The following CACNG5 variants were observed in gnomAD, a reference collection of about 807,000 sequenced individuals.
The protein encoded by CACNG5 is calcium voltage-gated channel auxiliary subunit gamma 5.
Under a neutral mutation model 24.8 loss-of-function variants are expected in CACNG5, and 18 were observed. The observed-to-expected ratio is 0.73, with a 90% confidence interval of 0.50 to 1.08. The LOEUF is 1.08. Among genes scored for constraint, CACNG5 ranks in the 50% least tolerant of loss-of-function variants. The pLI is 0.00. For missense variants in CACNG5, 349 were observed against 367.9 expected (o/e 0.95, Z 0.42); for synonymous variants, 157 against 149.1 (o/e 1.05, Z -0.39).
At chr17:66,869,703 T>C (rs1247214060) in intron 1 of CACNG5, among the ~76,000 whole-genome samples, 1 of 152,164 alleles carries the variant, frequency 6.6e-6, no homozygotes, top group Non-Finnish European at 1.5e-5. Flanking sequence ...GGAATTTATA[T>C]CACATCTAGG....
chr17:66,846,874 C>T (rs994668632), intron 1 of CACNG5, among the ~76,000 whole-genome samples: 10 of 152,214 alleles, frequency 6.6e-5, no homozygotes, highest in Non-Finnish European at 1.3e-4. Flanking sequence ...CATCACTTTA[C>T]GCTCCCACCT....
intron 1 of CACNG5, among the ~76,000 whole-genome samples, chr17:66,863,861 T>A (rs2143080647): frequency 6.6e-6 from 1 of 152,346 alleles, no homozygotes; most frequent in South Asian, 2.1e-4. Context: ...GCCTTCAATG[T>A]TGAGGGATAT....
chr17:66,878,154 C>T (rs1485090454), intron 2 of CACNG5, among the ~76,000 whole-genome samples: 1 of 152,214 alleles, frequency 6.6e-6, no homozygotes, highest in East Asian at 1.9e-4. Context: ...CCCTGTAACC[C>T]TTCAAGTTAC....
At chr17:66,875,848 G>T (rs1198190608) in intron 1 of CACNG5, among the ~76,000 whole-genome samples, 1 of 152,230 alleles carries the variant, frequency 6.6e-6, no homozygotes, top group African/African-American at 2.4e-5. Context: ...GGTGGCTTGG[G>T]TGACACAACC....
chr17:66,866,793 A>G (rs1330864174), intron 1 of CACNG5, among the ~76,000 whole-genome samples: 5 of 152,222 alleles, frequency 3.3e-5, no homozygotes, highest in Non-Finnish European at 5.9e-5. Context: ...TGCAAAGGAC[A>G]TGATCTCATT....
At chr17:66,849,333 G>T (rs1226395499) in intron 1 of CACNG5, among the ~76,000 whole-genome samples, 5 of 151,886 alleles carry the variant, frequency 3.3e-5, no homozygotes, top group African/African-American at 9.7e-5. Flanking sequence ...GCCGCACTGG[G>T]ACGGGAGGGG....
intron 1 of CACNG5, among the ~76,000 whole-genome samples, chr17:66,849,200 C>A (rs1367397315): frequency 6.6e-6 from 1 of 152,184 alleles, no homozygotes; most frequent in Non-Finnish European, 1.5e-5. Context: ...GATCAATTTC[C>A]TCCACCCCCT....
At chr17:66,844,340 T>C (rs1031693442) in intron 1 of CACNG5, among the ~76,000 whole-genome samples, 4 of 152,182 alleles carry the variant, frequency 2.6e-5, no homozygotes, top group African/African-American at 9.7e-5. Flanking sequence ...AATGTGGGAT[T>C]TGGAGCTCAA....
At chr17:66,865,784 C>G (rs1976920232) in intron 1 of CACNG5, among the ~76,000 whole-genome samples, 1 of 150,332 alleles carries the variant, frequency 6.7e-6, no homozygotes, top group Non-Finnish European at 1.5e-5. Flanking sequence ...CGCCCACCAC[C>G]ATGCACGGCT....
At chr17:66,879,299 C>T (rs1028806444) in intron 3 of CACNG5, among the ~76,000 whole-genome samples, 2 of 152,204 alleles carry the variant, frequency 1.3e-5, no homozygotes, top group Non-Finnish European at 2.9e-5. Context: ...TCTCTGGACC[C>T]CAGGGAGCCT....
rs941024748 is a variant in CACNG5, at chr17:66,877,581, A to G, written c.196+53A>G. 3.4e-6 allele frequency: 5 copies of G among 1,480,390 alleles called. No individual in the cohort carries two copies. In the African/African-American group the frequency reaches 6.9e-5, roughly 20 times the overall value. 91.7% of individuals were successfully genotyped at this position (1,480,390 alleles called of 1,614,324 possible). On this transcript the variant is annotated intron_variant, in intron 2 of 5. Coordinates refer to ENST00000533854, the MANE Select transcript of CACNG5 (RefSeq NM_145811.3). Reference sequence around the variant, plus strand: ...CCTGCCCCCTGACATCACCTGCCCCAAGAGGTCCCTCCCTGGGAAGAGATG... The same window carrying G: ...CCTGCCCCCTGACATCACCTGCCCCGAGAGGTCCCTCCCTGGGAAGAGATG...
intron 1 of CACNG5, among the ~76,000 whole-genome samples, chr17:66,856,091 T>C (rs1022329261): frequency 2.6e-5 from 4 of 152,220 alleles, no homozygotes; most frequent in African/African-American, 9.7e-5. Context: ...CAGAGAGGCA[T>C]GTTGGTGGCT....
chr17:66,885,127 AG>A lies in CACNG5; in HGVS notation c.719del (p.Gly240AlafsTer15). On this transcript the variant is annotated frameshift_variant, in exon 6 of 6. Transcript: ENST00000533854. LOFTEE classifies it high-confidence loss of function. ...GTTCCTACACCCAGACGCCTGGGTC[AG>A]GGGCCGCAGCCCCTCCGACATCTCC... ...GQFLHPDAWV[R>X]GRSPSDISSE... The A allele has an allele frequency of 6.2e-7, 1 of 1,614,082 alleles. No homozygotes were observed. The highest frequency in any genetic ancestry group is 8.5e-7 in the Non-Finnish European group (1 of 1,180,020).
At chr17:66,883,803 A>G (rs1421504726) in intron 4 of CACNG5, among the ~76,000 whole-genome samples, 8 of 152,212 alleles carry the variant, frequency 5.3e-5, no homozygotes, top group African/African-American at 1.9e-4. Flanking sequence ...CAGTTCTGTA[A>G]AAGCCACTTT....
At chr17:66,875,153 AG>A (rs1977058507) in intron 1 of CACNG5, among the ~76,000 whole-genome samples, 2 of 152,068 alleles carry the variant, frequency 1.3e-5, no homozygotes, top group African/African-American at 4.8e-5. Flanking sequence ...TGCAAGCGGC[AG>A]CACCTCTGAT....
intron 1 of CACNG5, among the ~76,000 whole-genome samples, chr17:66,836,692 T>C (rs1471650582): frequency 2.0e-5 from 3 of 152,136 alleles, no homozygotes; most frequent in Non-Finnish European, 2.9e-5. Context: ...GCCTGAGACC[T>C]CCCCACCCCC....
intron 1 of CACNG5, among the ~76,000 whole-genome samples, chr17:66,873,555 G>A (rs543536968): frequency 6.6e-6 from 1 of 152,200 alleles, no homozygotes; most frequent in South Asian, 2.1e-4. Flanking sequence ...GCTCAGCTTC[G>A]ACCAGGCAAC....
intron 1 of CACNG5, among the ~76,000 whole-genome samples, chr17:66,836,093 T>C (rs563877502): frequency 1.3e-5 from 2 of 152,286 alleles, no homozygotes; most frequent in South Asian, 4.1e-4. Flanking sequence ...ATATTCTGAC[T>C]AGCTTCTCCA....
At chr17:66,871,651 G>A (rs1465221999) in intron 1 of CACNG5, among the ~76,000 whole-genome samples, 1 of 152,112 alleles carries the variant, frequency 6.6e-6, no homozygotes, top group Non-Finnish European at 1.5e-5. Context: ...ATACTTAGAG[G>A]TAATGGCGCC....
Sources: allele counts gnomAD v4.1 joint callset (sites outside exome capture counted in the v4.1 genomes callset), GRCh38; gene constraint gnomAD v4.1.1; transcripts MANE v1.5; gene names NCBI Gene and HGNC (gene_info 2026-07-23, HGNC 2026-07-21).